EYS: variants seen among roughly 807,000 people sequenced by gnomAD.
EYS encodes the protein protein eyes shut homolog.
In EYS, 250 loss-of-function variants were observed where a neutral mutation model predicts 282.1. The observed-to-expected ratio is 0.89, with a 90% CI of 0.80 to 0.98. The LOEUF (loss-of-function observed/expected upper bound fraction) is 0.98, where lower values mean the gene tolerates loss of function less well. Ranked by LOEUF, EYS falls within the 50% of genes least tolerant of loss-of-function variation. The pLI, the probability that EYS is intolerant of heterozygous loss-of-function variation, is 0.00. For missense variants in EYS, 4,016 were observed against 3,709.0 expected, an observed-to-expected ratio of 1.08 and a Z score of -2.15; for synonymous variants, 1,355 against 1,282.9, an observed-to-expected ratio of 1.06 and a Z score of -1.20.
chr6:65,249,005 A>G (rs1033632861), intron 12 of EYS, among the ~76,000 whole-genome samples: 3 of 151,570 alleles, frequency 2.0e-5, no homozygotes, highest in African/African-American at 7.3e-5. Flanking sequence ...AGCATATCCA[A>G]TTAAGTTGAT....
At chr6:63,918,190 T>A (rs1240873892) in intron 35 of EYS, among the ~76,000 whole-genome samples, 1 of 152,230 alleles carries the variant, frequency 6.6e-6, no homozygotes, top group African/African-American at 2.4e-5. Flanking sequence ...TATAGTAGGA[T>A]CCATGCCATC....
At chr6:64,752,939 G>A (rs1203636568) in intron 22 of EYS, among the ~76,000 whole-genome samples, 12 of 151,998 alleles carry the variant, frequency 7.9e-5, no homozygotes. Context: ...AGAGACTGTG[G>A]CCCTATGTTC....
intron 12 of EYS, among the ~76,000 whole-genome samples, chr6:65,272,796 C>T (rs1767940382): frequency 6.6e-6 from 1 of 152,050 alleles, no homozygotes; most frequent in African/African-American, 2.4e-5. Flanking sequence ...AATATCTTGA[C>T]ATTAAAAAGT....
chr6:64,829,900 A>G (rs1054876928), intron 19 of EYS, among the ~76,000 whole-genome samples: 1 of 151,850 alleles, frequency 6.6e-6, no homozygotes, highest in African/African-American at 2.4e-5. Context: ...TTACCAGGGG[A>G]GGGACCCTTG....
chr6:64,160,309 C>A (rs1407137343), intron 31 of EYS, among the ~76,000 whole-genome samples: 1 of 152,122 alleles, frequency 6.6e-6, no homozygotes, highest in African/African-American at 2.4e-5. Context: ...GAAAATTGAA[C>A]CACTGGTTTG....
intron 5 of EYS, among the ~76,000 whole-genome samples, chr6:65,488,225 G>A (rs1765885825): frequency 6.6e-6 from 1 of 151,938 alleles, no homozygotes; most frequent in African/African-American, 2.4e-5. Context: ...GCTTTTGAAT[G>A]TGTTTGCTCT....
intron 31 of EYS, among the ~76,000 whole-genome samples, chr6:64,191,161 C>G (rs928574501): frequency 6.6e-6 from 1 of 151,940 alleles, no homozygotes; most frequent in Non-Finnish European, 1.5e-5. Context: ...TTTCCACTTT[C>G]TTTATGGTGT....
At chr6:64,978,126 T>C (rs1770533472) in intron 14 of EYS, among the ~76,000 whole-genome samples, 1 of 151,952 alleles carries the variant, frequency 6.6e-6, no homozygotes, top group Non-Finnish European at 1.5e-5. Context: ...GAAGATGCTA[T>C]GTAGGACTTT....
chr6:65,344,134 G>C lies in EYS; in HGVS notation c.1503C>G (p.Phe501Leu). Residue 501 changes from phenylalanine to leucine, a missense_variant, in exon 10 of 43, where the codon TTC becomes TTG. Phe to Leu is a conservative substitution (Grantham distance 22). Transcript: ENST00000503581. ...CTTCAGTGCAGTTTGCAGCCAGAAA[G>C]AAATAGGCATCAATAACCCCTTGGC... ...EKCQGVIDAY[F>L]FLAANCTEDA... The C allele has an allele frequency of 1.4e-5, 22 of 1,610,420 alleles. No homozygotes were observed. The highest frequency in any genetic ancestry group is 1.8e-5 in the Non-Finnish European group (21 of 1,177,734).
rs150331962 is a variant in EYS at position 64,843,405 on chromosome 6, G to A, written c.2993-20583C>T. Among the ~76,000 whole-genome samples, 79 of 152,226 alleles carry A rather than the reference G, an allele frequency of 5.2e-4. 2 individuals are homozygous for A. Among genetic ancestry groups the A allele is most frequent in the African/African-American group, 1.8e-3 (76 of 41,538 alleles). ...GCCTGTGAAAGCAGCCCGGAGGTGG[G>A]CTATACCCTGAAAAGCCACAGGGGC... is the stretch of plus-strand genomic sequence containing the variant. On this transcript the variant is annotated intron_variant, in intron 19 of 42. Coordinates refer to ENST00000503581, the MANE Select transcript of EYS (RefSeq NM_001142800.2).
intron 2 of EYS, among the ~76,000 whole-genome samples, chr6:65,638,758 G>A (rs939695953): frequency 6.6e-6 from 1 of 152,196 alleles, no homozygotes; most frequent in African/African-American, 2.4e-5. Context: ...TCCATGCCTG[G>A]CTTACCCTTG....
chr6:64,370,156 G>A (rs1304667942), intron 29 of EYS, among the ~76,000 whole-genome samples: 2 of 151,784 alleles, frequency 1.3e-5, no homozygotes, highest in East Asian at 3.9e-4. Flanking sequence ...ATGATACTAT[G>A]TATTTGTCAT....
At chr6:64,597,138 A>C (rs1180330218) in intron 24 of EYS, among the ~76,000 whole-genome samples, 1 of 152,212 alleles carries the variant, frequency 6.6e-6, no homozygotes, top group Non-Finnish European at 1.5e-5. Context: ...TAATCATCAG[A>C]GAAAGGCCAA....
chr6:63,738,069 T>C (rs1768970417), intron 41 of EYS, among the ~76,000 whole-genome samples: 1 of 152,098 alleles, frequency 6.6e-6, no homozygotes, highest in South Asian at 2.1e-4. Flanking sequence ...ATGGTAATCA[T>C]TAAAAAGTCA....
intron 22 of EYS, among the ~76,000 whole-genome samples, chr6:64,649,926 A>G (rs1282743353): frequency 6.6e-6 from 1 of 152,166 alleles, no homozygotes; most frequent in African/African-American, 2.4e-5. Flanking sequence ...TGGACTACTC[A>G]CAGAAATTAA....
intron 12 of EYS, among the ~76,000 whole-genome samples, chr6:65,281,232 G>A (rs1456666023): frequency 6.6e-6 from 1 of 151,628 alleles, no homozygotes; most frequent in African/African-American, 2.4e-5. Flanking sequence ...TTTCTATTTT[G>A]AGTATATTAA....
At chr6:65,581,718 T>C (rs1327060241) in intron 2 of EYS, among the ~76,000 whole-genome samples, 1 of 152,154 alleles carries the variant, frequency 6.6e-6, no homozygotes, top group Non-Finnish European at 1.5e-5. Context: ...ATATACATCA[T>C]GCTTTTATTA....
chr6:64,260,238 C>T (rs1331691485), intron 30 of EYS, among the ~76,000 whole-genome samples: 2 of 152,062 alleles, frequency 1.3e-5, no homozygotes, highest in African/African-American at 2.4e-5. Context: ...AATGGCAGGA[C>T]ATGCAGTTAG....
intron 27 of EYS, among the ~76,000 whole-genome samples, chr6:64,438,093 T>C (rs760741232): frequency 6.6e-6 from 1 of 151,730 alleles, no homozygotes; most frequent in Non-Finnish European, 1.5e-5. Flanking sequence ...GGTAGAATGA[T>C]GTTGGGAAAA....
Sources: gnomAD v4.1 joint callset for allele counts (sites outside exome capture counted in the v4.1 genomes callset) on GRCh38, gnomAD v4.1.1 for gene constraint, MANE v1.5 for transcripts, NCBI Gene and HGNC (gene_info 2026-07-23, HGNC 2026-07-21) for gene names.